Variants in SLC17A8 observed in about 807,000 individuals in gnomAD.
The protein encoded by SLC17A8 is solute carrier family 17 member 8.
A neutral mutation model predicts 58.0 loss-of-function variants in SLC17A8; 31 were observed. The ratio of observed to expected loss-of-function variants is 0.53; its 90% CI spans 0.40 to 0.72. The LOEUF (loss-of-function observed/expected upper bound fraction) is 0.72, where lower values mean the gene tolerates loss of function less well. Among genes scored for constraint, SLC17A8 ranks in the 30% least tolerant of loss-of-function variants. The pLI, the probability that SLC17A8 is intolerant of heterozygous loss-of-function variation, is 0.00. For synonymous variants in SLC17A8, 228 were observed against 249.0 expected, an observed-to-expected ratio of 0.92 and a Z score of 0.79; for missense variants, 655 against 727.8, an observed-to-expected ratio of 0.90 and a Z score of 1.15.
intron 2 of SLC17A8, 121 bp downstream of exon 2, chr12:100,381,074 T>G (rs1039318430): frequency 3.0e-5 from 34 of 1,124,030 alleles, no homozygotes; most frequent in Non-Finnish European, 3.8e-5. Context: ...CAGGTTGAAA[T>G]TAACCTCCCA....
In SLC17A8 at chr12:100,390,886, A is replaced by C. The variant is rs11568533; in HGVS notation, c.355-115A>C. The C allele has an allele frequency of 5.5e-3, 4,302 of 784,948 alleles. 34 individuals carry two copies. Among genetic ancestry groups the C allele is most frequent in the South Asian group, 0.01 (756 of 72,746 alleles). 48.6% of individuals were successfully genotyped at this position (784,948 alleles called of 1,614,324 possible). On this transcript the variant is annotated intron_variant, in intron 2 of 11. Coordinates refer to ENST00000323346, the MANE Select transcript of SLC17A8 (RefSeq NM_139319.3). ...AAGATGCCCTCCATAAGTATGTGTTAAATAAATGAAAAAAGAAAGACCTCA... is the reference window on the plus strand; with the variant it reads ...AAGATGCCCTCCATAAGTATGTGTTCAATAAATGAAAAAAGAAAGACCTCA...
intron 2 of SLC17A8, among the ~76,000 whole-genome samples, chr12:100,381,636 G>A (rs999696797): frequency 3.3e-5 from 5 of 152,042 alleles, no homozygotes; most frequent in African/African-American, 1.2e-4. Flanking sequence ...TGAAACAGGA[G>A]CTCATCATCT....
At chr12:100,388,494 T>C (rs1952691514) in intron 2 of SLC17A8, among the ~76,000 whole-genome samples, 2 of 152,010 alleles carry the variant, frequency 1.3e-5, no homozygotes, top group South Asian at 2.1e-4. Context: ...AGCTAGCTAG[T>C]TCCTTTTTAC....
intron 2 of SLC17A8, among the ~76,000 whole-genome samples, chr12:100,390,594 C>T (rs910894718): frequency 4.0e-5 from 6 of 151,638 alleles, no homozygotes; most frequent in East Asian, 2.0e-4. Flanking sequence ...GTGATCCACC[C>T]GCCTCAGCCT....
intron 1 of SLC17A8, among the ~76,000 whole-genome samples, chr12:100,370,809 T>C (rs992129502): frequency 2.0e-5 from 3 of 152,152 alleles, no homozygotes; most frequent in African/African-American, 7.2e-5. Flanking sequence ...AGTGAGTCTC[T>C]GCTTAAATGG....
rs747133144 is a variant in SLC17A8, at chr12:100,402,424, A to G, written c.848A>G (p.Glu283Gly). The change falls in exon 7 of 12, where the codon GAG (glutamate) becomes GGG (glycine). Residue 283 changes from glutamate to glycine, a missense_variant. Physicochemically the swap from Glu to Gly is moderately conservative, Grantham distance 98. Transcript: ENST00000323346. ...PAAHPTISNE[E>G]KTYIETSIGE... Reference sequence around the variant, plus strand: ...GCTCATCCAACAATATCCAATGAGGAGAAGACCTATATAGAGACAAGCATA... The same window carrying G: ...GCTCATCCAACAATATCCAATGAGGGGAAGACCTATATAGAGACAAGCATA... 6.2e-7 allele frequency: 1 copy of G among 1,614,132 alleles called. No homozygotes were observed. Among genetic ancestry groups the G allele is most frequent in the South Asian group, 1.1e-5 (1 of 91,086 alleles).
rs569049065 is a variant in SLC17A8 at position 100,377,585 on chromosome 12, A to T, written c.102-3116A>T. On this transcript the variant is annotated intron_variant, in intron 1 of 11. Coordinates refer to ENST00000323346, the MANE Select transcript of SLC17A8 (RefSeq NM_139319.3). The stretch of plus-strand genomic sequence containing the variant: ...GGCTTCAAGATATATATATATATAT[A>T]TTTTTTTTTTTTTTTTTTTTTTTGA... Among the ~76,000 whole-genome samples the T allele has an allele frequency of 1.8e-3, 153 of 84,060 alleles. 1 individual carries two copies. Among genetic ancestry groups the T allele is most frequent in the Middle Eastern group, 9.3e-3 (1 of 108 alleles). 55.1% of individuals were successfully genotyped at this position (84,060 alleles called of 152,430 possible).
chr12:100,406,975 AG>A (rs1283817896), intron 9 of SLC17A8, among the ~76,000 whole-genome samples: 2 of 152,124 alleles, frequency 1.3e-5, no homozygotes, highest in Non-Finnish European at 2.9e-5. Context: ...AGATGGAGAG[AG>A]GGGGGTCAAT....
intron 1 of SLC17A8, among the ~76,000 whole-genome samples, chr12:100,360,267 C>T (rs11110349): frequency 0.24 from 37,024 of 152,088 alleles, 5,228 homozygotes; most frequent in African/African-American, 0.39. Context: ...AACTTGGAAA[C>T]TAATGTCCAG....
chr12:100,368,132 A>G (rs574152643), intron 1 of SLC17A8, among the ~76,000 whole-genome samples: 1 of 152,214 alleles, frequency 6.6e-6, no homozygotes, highest in Non-Finnish European at 1.5e-5. Flanking sequence ...TAGGTAGCTT[A>G]AAACAACAGA....
chr12:100,398,204 G>A (rs1396235280), intron 5 of SLC17A8, among the ~76,000 whole-genome samples: 2 of 152,148 alleles, frequency 1.3e-5, no homozygotes, highest in Non-Finnish European at 2.9e-5. Context: ...CCTACTTTGT[G>A]CCTCGTTGGG....
rs557763789 is a variant in SLC17A8 at position 100,375,605 on chromosome 12, C to A, written c.102-5096C>A. Among the ~76,000 whole-genome samples the A allele has an allele frequency of 5.3e-5, 8 of 152,288 alleles. No individual in the cohort carries two copies. In the South Asian group the frequency reaches 1.7e-3, roughly 32 times the overall value. ...TTGATTCAGAGCACAGCAGCTGGGG[C>A]TGTCTGCAATTAAGCAGTGCAAAGC... On this transcript the variant is annotated intron_variant, in intron 1 of 11. Transcript: ENST00000323346.
At chr12:100,357,546 T>A in intron 1 of SLC17A8, 54 bp downstream of exon 1, 1 of 1,148,138 alleles carries the variant, frequency 8.7e-7, no homozygotes, top group Middle Eastern at 1.9e-4. Context: ...GTATTGCCAA[T>A]GTGTGAGAGA....
At chr12:100,409,469 C>T (rs1566403152) in intron 9 of SLC17A8, among the ~76,000 whole-genome samples, 1 of 152,128 alleles carries the variant, frequency 6.6e-6, no homozygotes, top group Admixed American at 6.6e-5. Context: ...TATAGGTGTG[C>T]ACCACCATGC....
At chr12:100,394,042 T>G (rs1016049149) in intron 4 of SLC17A8, among the ~76,000 whole-genome samples, 3 of 152,226 alleles carry the variant, frequency 2.0e-5, no homozygotes, top group African/African-American at 7.2e-5. Context: ...TTTTACAAAC[T>G]GAAATTTGAA....
At chr12:100,368,926 C>T (rs7955010) in intron 1 of SLC17A8, among the ~76,000 whole-genome samples, 103,081 of 152,130 alleles carry the variant, frequency 0.68, 37,308 homozygotes, top group East Asian at 0.99. Flanking sequence ...AAGTTCTTAG[C>T]TGCAATCAAC....
chr12:100,388,768 C>T (rs2135992903), intron 2 of SLC17A8, among the ~76,000 whole-genome samples: 1 of 152,336 alleles, frequency 6.6e-6, no homozygotes, highest in East Asian at 1.9e-4. Context: ...TAGGAACCCT[C>T]TTACTCCATA....
At chr12:100,401,731 C>A in intron 5 of SLC17A8, 46 bp from the exon 6 acceptor site, 1 of 1,429,576 alleles carries the variant, frequency 7.0e-7, no homozygotes, top group Non-Finnish European at 9.9e-7. Flanking sequence ...GCTGAAAAGG[C>A]TTGCATGATG....
rs1952754017 is a variant in SLC17A8, at chr12:100,396,375, C to A, written c.634C>A (p.Pro212Thr). 1 of 1,614,050 alleles carries A rather than the reference C, an allele frequency of 6.2e-7. No individual in the cohort carries two copies. The highest frequency in any genetic ancestry group is 8.5e-7 in the Non-Finnish European group (1 of 1,180,010). ...ACHGMWSKWA[P>T]PLERSRLATT... Reference sequence around the variant, plus strand: ...CCATGGGATGTGGAGTAAGTGGGCACCACCTTTGGAGAGAAGCCGACTGGC... The same window carrying A: ...CCATGGGATGTGGAGTAAGTGGGCAACACCTTTGGAGAGAAGCCGACTGGC... Residue 212 changes from proline (P) to threonine (T), a missense_variant, in exon 5 of 12, where the codon CCA (proline) becomes ACA (threonine). By Grantham distance (38) the Pro-to-Thr change is conservative. Transcript: ENST00000323346.
Sources: allele counts gnomAD v4.1 joint callset (sites outside exome capture counted in the v4.1 genomes callset), GRCh38; gene constraint gnomAD v4.1.1; transcripts MANE v1.5; gene names NCBI Gene and HGNC (gene_info 2026-07-23, HGNC 2026-07-21).